Variants in CTNNA3 observed in about 807,000 individuals in gnomAD.
The protein encoded by CTNNA3 is catenin alpha 3.
A neutral mutation model predicts 95.7 loss-of-function variants in CTNNA3; 76 were observed. The ratio of observed to expected loss-of-function variants is 0.79; its 90% CI spans 0.66 to 0.96. The LOEUF (loss-of-function observed/expected upper bound fraction) is 0.96, where lower values mean the gene tolerates loss of function less well. Ranked by LOEUF, CTNNA3 falls within the 40% of genes least tolerant of loss-of-function variation. CTNNA3 has a pLI of 0.00. For synonymous variants in CTNNA3, 431 were observed against 374.4 expected, an observed-to-expected ratio of 1.15 and a Z score of -1.74; for missense variants, 1,191 against 1,089.8, an observed-to-expected ratio of 1.09 and a Z score of -1.31.
chr10:66,446,808 T>C (rs201823147), intron 11 of CTNNA3, among the ~76,000 whole-genome samples: 57,491 of 151,408 alleles, frequency 0.38, 11,429 homozygotes, highest in African/African-American at 0.5. Context: ...CAACATAGTG[T>C]TGGAAGTTCT....
At chr10:67,441,859 G>A (rs1846532133) in intron 5 of CTNNA3, among the ~76,000 whole-genome samples, 1 of 152,058 alleles carries the variant, frequency 6.6e-6, no homozygotes, top group Non-Finnish European at 1.5e-5. Context: ...GTCATCTGAA[G>A]GTACAAAACT....
intron 3 of CTNNA3, among the ~76,000 whole-genome samples, chr10:67,598,913 A>G (rs923704268): frequency 3.3e-5 from 5 of 152,164 alleles, no homozygotes; most frequent in African/African-American, 1.2e-4. Flanking sequence ...AATTGGGGAG[A>G]TGCTGAAGAA....
intron 5 of CTNNA3, among the ~76,000 whole-genome samples, chr10:67,443,570 G>A (rs557061307): frequency 1.0e-3 from 159 of 152,272 alleles, no homozygotes; most frequent in Non-Finnish European, 2.0e-3. Flanking sequence ...TTTTTCATGC[G>A]TCTTTTGATT....
chr10:66,802,096 A>ACTGT (rs1194565827), intron 7 of CTNNA3, among the ~76,000 whole-genome samples: 1 of 151,818 alleles, frequency 6.6e-6, no homozygotes, highest in Non-Finnish European at 1.5e-5. Context: ...AATTAGTTTA[A>ACTGT]AACTGTCCAT....
intron 10 of CTNNA3, among the ~76,000 whole-genome samples, chr10:66,543,911 G>GTATA (rs1198925758): frequency 1.1e-3 from 18 of 16,112 alleles, no homozygotes; most frequent in Admixed American, 3.8e-3. Flanking sequence ...GTGTGTGTGT[G>GTATA]TATATATATA....
At chr10:67,146,535 A>G (rs1860852504) in intron 7 of CTNNA3, among the ~76,000 whole-genome samples, 1 of 152,176 alleles carries the variant, frequency 6.6e-6, no homozygotes, top group African/African-American at 2.4e-5. Flanking sequence ...CAGAGAATAA[A>G]TGAAATTGTT....
intron 5 of CTNNA3, among the ~76,000 whole-genome samples, chr10:67,402,217 G>A (rs1315863107): frequency 2.0e-5 from 3 of 152,208 alleles, no homozygotes; most frequent in African/African-American, 7.2e-5. Flanking sequence ...TTCAAGGGCT[G>A]AAAGGTGAAA....
chr10:66,648,731 A>T (rs1845792473), intron 9 of CTNNA3, among the ~76,000 whole-genome samples: 2 of 152,130 alleles, frequency 1.3e-5, no homozygotes, highest in Non-Finnish European at 2.9e-5. Flanking sequence ...ATTCATCGAG[A>T]GGTAATGGAG....
chr10:67,202,872 G>T (rs1314420524), intron 6 of CTNNA3, among the ~76,000 whole-genome samples: 2 of 151,710 alleles, frequency 1.3e-5, no homozygotes, highest in Non-Finnish European at 2.9e-5. Context: ...GGACATATCT[G>T]CTTTAAAAAA....
rs983539338 is a variant in CTNNA3, at chr10:65,943,072, T to TTC, written c.2401-22456_2401-22455insGA. On this transcript the variant is annotated intron_variant, in intron 17 of 17. Coordinates refer to ENST00000433211, the MANE Select transcript of CTNNA3 (RefSeq NM_013266.4). ...GTTATGTCTTTTTTTCTTTTTCTTT[T>TTC]TTTTTTTTTGAGACGGAGTCTCGCT... Among the ~76,000 whole-genome samples the TTC allele has an allele frequency of 2.6e-5, 4 of 151,526 alleles. No individual in the cohort carries two copies. In the East Asian group the frequency reaches 5.8e-4, roughly 22 times the overall value.
intron 17 of CTNNA3, among the ~76,000 whole-genome samples, chr10:65,957,556 C>T (rs1042362374): frequency 5.9e-5 from 9 of 152,126 alleles, no homozygotes; most frequent in African/African-American, 2.2e-4. Flanking sequence ...TTTAGTGCTT[C>T]CTTCAGGAGC....
chr10:66,341,925 C>T (rs2092457124), intron 12 of CTNNA3, among the ~76,000 whole-genome samples: 1 of 151,218 alleles, frequency 6.6e-6, no homozygotes, highest in South Asian at 2.1e-4. Flanking sequence ...ATATTCATAG[C>T]ACATTTATGA....
chr10:67,529,531 T>C (rs957038644), intron 4 of CTNNA3, among the ~76,000 whole-genome samples: 4 of 148,800 alleles, frequency 2.7e-5, no homozygotes, highest in Non-Finnish European at 6.0e-5. Flanking sequence ...TTAGGAGATA[T>C]ACCTAATGCT....
At chr10:66,333,233 T>C (rs2092353145) in intron 12 of CTNNA3, among the ~76,000 whole-genome samples, 1 of 152,066 alleles carries the variant, frequency 6.6e-6, no homozygotes, top group Admixed American at 6.5e-5. Flanking sequence ...TCTACTTCAG[T>C]TCTGCTCTGA....
chr10:66,332,207 T>G (rs2092338997), intron 12 of CTNNA3, among the ~76,000 whole-genome samples: 1 of 151,946 alleles, frequency 6.6e-6, no homozygotes, highest in Admixed American at 6.6e-5. Context: ...ACAATTTGAC[T>G]TCCTCTTTTC....
At chr10:66,106,393 A>T (rs1423238826) in intron 13 of CTNNA3, among the ~76,000 whole-genome samples, 1 of 147,304 alleles carries the variant, frequency 6.8e-6, no homozygotes, top group Non-Finnish European at 1.5e-5. Flanking sequence ...AATCAATTTC[A>T]TTCTGTGAAA....
chr10:66,301,646 A>G (rs529031080), intron 12 of CTNNA3, among the ~76,000 whole-genome samples: 1 of 152,050 alleles, frequency 6.6e-6, no homozygotes, highest in South Asian at 2.1e-4. Flanking sequence ...TTAAAAGGAA[A>G]AGCATTTGAC....
chr10:66,566,555 G>C (rs1299314969), intron 10 of CTNNA3, among the ~76,000 whole-genome samples: 1 of 151,236 alleles, frequency 6.6e-6, no homozygotes, highest in Non-Finnish European at 1.5e-5. Flanking sequence ...ATTTATTTTT[G>C]AGTTGAATGA....
chr10:66,106,835 G>A (rs149074258), intron 13 of CTNNA3, among the ~76,000 whole-genome samples: 2 of 151,926 alleles, frequency 1.3e-5, no homozygotes, highest in East Asian at 3.9e-4. Flanking sequence ...TGGAACTTTG[G>A]ATAAGCCACC....
Sources: gnomAD v4.1 joint callset for allele counts (sites outside exome capture counted in the v4.1 genomes callset) on GRCh38, gnomAD v4.1.1 for gene constraint, MANE v1.5 for transcripts, NCBI Gene and HGNC (gene_info 2026-07-23, HGNC 2026-07-21) for gene names.